Variants in ME3 observed in about 807,000 individuals in gnomAD.
ME3 encodes malic enzyme 3.
Under a neutral mutation model 68.9 loss-of-function variants are expected in ME3, and 48 were observed. The ratio of observed to expected loss-of-function variants is 0.70; its 90% CI spans 0.55 to 0.89. The LOEUF is 0.89. ME3 is among the 40% of genes least tolerant of loss of function. The pLI, the probability that ME3 is intolerant of heterozygous loss-of-function variation, is 0.00. For synonymous variants in ME3, 320 were observed against 318.8 expected (o/e 1.00, Z -0.04); for missense variants, 675 against 797.4 (o/e 0.85, Z 1.85).
At chr11:86,601,148 A>T (rs1450871763) in intron 2 of ME3, among the ~76,000 whole-genome samples, 97 of 151,760 alleles carry the variant, frequency 6.4e-4, no homozygotes, top group African/African-American at 2.3e-3. Flanking sequence ...CCTTCAAAAA[A>T]TTAATGAATC....
intron 4 of ME3, among the ~76,000 whole-genome samples, chr11:86,522,531 C>T (rs984562624): frequency 6.6e-6 from 1 of 151,942 alleles, no homozygotes; most frequent in Non-Finnish European, 1.5e-5. Context: ...ACCCCGCCCC[C>T]TCCTTGACCC....
intron 4 of ME3, among the ~76,000 whole-genome samples, chr11:86,531,977 T>TA (rs1213294593): frequency 1.1e-4 from 11 of 98,230 alleles, no homozygotes; most frequent in African/African-American, 3.4e-4. Context: ...AAAGTATAAT[T>TA]AAAAAAAACC....
exon 12 of ME3, chr11:86,447,102 GCCT>G (rs751651964): frequency 6.2e-7 from 1 of 1,614,062 alleles, no homozygotes; most frequent in Non-Finnish European, 8.5e-7. Flanking sequence ...CGTGCACTCG[GCCT>G]TGCTGGTGGG....
At chr11:86,600,097 TAAC>T (rs1417494074) in intron 2 of ME3, among the ~76,000 whole-genome samples, 2 of 152,158 alleles carry the variant, frequency 1.3e-5, no homozygotes, top group Non-Finnish European at 2.9e-5. Context: ...AATTCACACA[TAAC>T]AATATTAGCT....
intron 7 of ME3, among the ~76,000 whole-genome samples, chr11:86,481,233 T>TG: frequency 1.7e-5 from 1 of 58,172 alleles, no homozygotes; most frequent in South Asian, 5.3e-4. Context: ...TTTTTTTTTT[T>TG]GGGAGACGGG....
the ME3 span, chr11:86,435,084 A>C: frequency 2.0e-5 from 3 of 152,256 alleles, no homozygotes; most frequent in African/African-American, 7.2e-5. Context: ...GGGAGAATAC[A>C]TATTTATAAG....
intron 2 of ME3, among the ~76,000 whole-genome samples, chr11:86,604,082 A>T (rs1421110221): frequency 2.0e-5 from 3 of 151,448 alleles, no homozygotes; most frequent in Non-Finnish European, 4.4e-5. Flanking sequence ...GTACCCTAAA[A>T]CTTAAAGTAT....
intron 2 of ME3, among the ~76,000 whole-genome samples, chr11:86,569,986 A>G (rs978523132): frequency 9.2e-5 from 14 of 152,208 alleles, no homozygotes; most frequent in Non-Finnish European, 1.8e-4. Context: ...AGAGCCAGGT[A>G]TCTTAGACTT....
intron 6 of ME3, among the ~76,000 whole-genome samples, chr11:86,489,889 G>C (rs1594156861): frequency 6.6e-6 from 1 of 152,060 alleles, no homozygotes; most frequent in South Asian, 2.1e-4. Context: ...CCGAGAGGTA[G>C]GTCTCATCGT....
intron 4 of ME3, among the ~76,000 whole-genome samples, chr11:86,536,517 C>G: frequency 7.7e-6 from 1 of 129,796 alleles, no homozygotes; most frequent in African/African-American, 3.0e-5. Flanking sequence ...TTTATGCAGC[C>G]AAAAAACACA....
intron 7 of ME3, among the ~76,000 whole-genome samples, chr11:86,471,839 T>C (rs1285851672): frequency 1.3e-5 from 2 of 152,164 alleles, no homozygotes; most frequent in African/African-American, 4.8e-5. Flanking sequence ...TCAAAGTGTC[T>C]ACTATGAACA....
chr11:86,553,004 G>A (rs1956769896), intron 4 of ME3, among the ~76,000 whole-genome samples: 1 of 152,074 alleles, frequency 6.6e-6, no homozygotes, highest in Non-Finnish European at 1.5e-5. Context: ...GTTCTGTCTC[G>A]GCCTCCACCC....
rs181317615 is a variant in ME3, at chr11:86,559,147, G to A, written c.317+543C>T. Among the ~76,000 whole-genome samples, 156 of 152,240 alleles carry A rather than the reference G, an allele frequency of 1.0e-3. 1 individual carries two copies. Among genetic ancestry groups the A allele is most frequent in the African/African-American group, 3.6e-3 (149 of 41,532 alleles). ...TTCTCTTTATGTCTGGATCCCCATT[G>A]GAGGAGAACTCACAGAGGAGGCAGG... On this transcript the variant is annotated intron_variant, in intron 3 of 14. Coordinates refer to ENST00000543262, the Ensembl canonical transcript of ME3.
intron 2 of ME3, among the ~76,000 whole-genome samples, chr11:86,590,939 T>G (rs1393413615): frequency 6.6e-6 from 1 of 151,822 alleles, no homozygotes; most frequent in African/African-American, 2.4e-5. Flanking sequence ...GCAAATGGAG[T>G]AGAGGTGAAA....
At chr11:86,446,924 G>T in intron 12 of ME3, 141 bp downstream of exon 12, 2 of 1,180,768 alleles carry the variant, frequency 1.7e-6, no homozygotes, top group Non-Finnish European at 2.3e-6. Context: ...TTAGCTCTTT[G>T]ACCTTGGGCA....
intron 2 of ME3, among the ~76,000 whole-genome samples, chr11:86,600,977 C>G (rs1342627429): frequency 6.6e-6 from 1 of 151,392 alleles, no homozygotes; most frequent in African/African-American, 2.4e-5. Context: ...ATTTATAGCA[C>G]TAAATGCCCA....
chr11:86,464,035 T>C, intron 8 of ME3: 1 of 421,766 alleles, frequency 2.4e-6, no homozygotes, highest in South Asian at 1.7e-5. Context: ...TAACCTTAGC[T>C]GTTATTACCT....
At chr11:86,487,878 C>T (rs923438219) in intron 6 of ME3, among the ~76,000 whole-genome samples, 1 of 152,172 alleles carries the variant, frequency 6.6e-6, no homozygotes. Context: ...CAGTTGTGGC[C>T]ATCAAAAATG....
At chr11:86,441,108 T>G (rs889061858), downstream of ME3, 4 of 560,652 alleles carry the variant, frequency 7.1e-6, no homozygotes, top group Admixed American at 4.1e-5. Flanking sequence ...TCCCAGGGCC[T>G]TCAGAGACAA....
Sources: gnomAD v4.1 joint callset for allele counts (sites outside exome capture counted in the v4.1 genomes callset) on GRCh38, gnomAD v4.1.1 for gene constraint, MANE v1.5 for transcripts, NCBI Gene and HGNC (gene_info 2026-07-23, HGNC 2026-07-21) for gene names.